CCND3: variants seen among roughly 807,000 people sequenced by gnomAD.
The protein encoded by CCND3 is cyclin D3.
A neutral mutation model predicts 28.7 loss-of-function variants in CCND3; 9 were observed. That is an observed-to-expected ratio of 0.31 (90% CI 0.19 to 0.55). The LOEUF is 0.55. CCND3 is among the 20% of genes least tolerant of loss of function. The probability of loss-of-function intolerance (pLI) is 0.93; values close to 1 mark genes in which losing one functional copy is unlikely to be tolerated. For synonymous variants in CCND3, 164 were observed against 163.9 expected, an observed-to-expected ratio of 1.00 and a Z score of 0.00; for missense variants, 315 against 385.8, an observed-to-expected ratio of 0.82 and a Z score of 1.54.
chr6:42,034,879 T>C (rs1025267510), intron 1 of CCND3, among the ~76,000 whole-genome samples: 2 of 152,214 alleles, frequency 1.3e-5, no homozygotes, highest in Non-Finnish European at 2.9e-5. Flanking sequence ...CCTTCCTAGA[T>C]GTTTTTTATA....
intron 1 of CCND3, among the ~76,000 whole-genome samples, chr6:41,999,918 C>A (rs1447189001): frequency 6.6e-6 from 1 of 151,940 alleles, no homozygotes; most frequent in African/African-American, 2.4e-5. Flanking sequence ...AATCCACCAT[C>A]GGAGTAGGAT....
chr6:42,031,018 T>TTTA (rs1270703942), intron 1 of CCND3, among the ~76,000 whole-genome samples: 7 of 152,042 alleles, frequency 4.6e-5, no homozygotes, highest in Non-Finnish European at 1.0e-4. Context: ...GGCACAGCTG[T>TTTA]TTATTCTGAT....
At chr6:41,979,103 G>A (rs547800267) in intron 1 of CCND3, among the ~76,000 whole-genome samples, 5 of 142,266 alleles carry the variant, frequency 3.5e-5, no homozygotes, top group South Asian at 2.2e-4. Flanking sequence ...CCCAGGAGTC[G>A]GAGGTTTCAG....
intron 1 of CCND3, among the ~76,000 whole-genome samples, chr6:41,990,363 C>T (rs1316486738): frequency 1.3e-5 from 2 of 151,936 alleles, no homozygotes; most frequent in South Asian, 2.1e-4. Context: ...TTAAAATGAT[C>T]GTATTACCAA....
chr6:42,040,062 A>G (rs1764324568), intron 1 of CCND3, among the ~76,000 whole-genome samples: 1 of 152,054 alleles, frequency 6.6e-6, no homozygotes, highest in Non-Finnish European at 1.5e-5. Flanking sequence ...GTGTAATCTC[A>G]CACTTGCCCT....
At chr6:42,037,131 A>T (rs147804102) in intron 1 of CCND3, among the ~76,000 whole-genome samples, 3,205 of 152,012 alleles carry the variant, frequency 0.021, 101 homozygotes, top group East Asian at 0.11. Context: ...CAGTAGAGAC[A>T]GGGTTTCACT....
At chr6:42,031,813 C>T (rs9381124) in intron 1 of CCND3, among the ~76,000 whole-genome samples, 70 of 128,892 alleles carry the variant, frequency 5.4e-4, no homozygotes, top group East Asian at 2.5e-3. Context: ...GCAACTGACT[C>T]TTTTTTTTTT....
chr6:42,024,623 G>A (rs937850554), intron 1 of CCND3, among the ~76,000 whole-genome samples: 2 of 152,050 alleles, frequency 1.3e-5, no homozygotes, highest in African/African-American at 4.8e-5. Flanking sequence ...GGGCCACTCA[G>A]AAGTCCAGGC....
At chr6:41,987,171 T>C (rs1430700831) in intron 1 of CCND3, among the ~76,000 whole-genome samples, 1 of 151,968 alleles carries the variant, frequency 6.6e-6, no homozygotes, top group African/African-American at 2.4e-5. Context: ...AAAAACATAT[T>C]GTCAATTACA....
chr6:41,980,035 C>CACACACACACACACACACACACAA (rs1337473570), intron 1 of CCND3, among the ~76,000 whole-genome samples: 4 of 151,814 alleles, frequency 2.6e-5, no homozygotes, highest in African/African-American at 9.7e-5. Flanking sequence ...CACACACACA[C>CACACACACACACACACACACACAA]AATCAAACCT....
chr6:41,936,164 A>G lies in CCND3; in HGVS notation c.712-57T>C, dbSNP rs2127389983. 6.6e-7 allele frequency: 1 copy of G among 1,514,786 alleles called. No homozygotes were observed. The highest frequency in any genetic ancestry group is 8.9e-7 in the Non-Finnish European group (1 of 1,129,462). The allele number at this position is 1,514,786 out of a possible 1,614,324, so 93.8% of individuals were successfully genotyped here. ...CACTCCCCCCATAGCATCTGGCAGC[A>G]GGTGCAGGGGAAGGACAGCTCCCAA... On this transcript the variant is annotated intron_variant, in intron 4 of 4. Transcript: ENST00000372991. This position sits in a 1 kb window ranked among gnomAD's most constrained non-coding sequence, Gnocchi z 4.4.
intron 1 of CCND3, among the ~76,000 whole-genome samples, chr6:41,948,509 CTTT>C (rs1286879662): frequency 6.6e-6 from 1 of 151,964 alleles, no homozygotes; most frequent in African/African-American, 2.4e-5. Flanking sequence ...CTCAATAAAT[CTTT>C]TTTGAGTTAA....
intron 1 of CCND3, among the ~76,000 whole-genome samples, chr6:41,964,467 TGTGTGTGA>T (rs1185028782): frequency 7.6e-5 from 10 of 131,966 alleles, no homozygotes; most frequent in Non-Finnish European, 1.2e-4. Context: ...TGTGTGAGTG[TGTGTGTGA>T]GTGTGTGTGA....
At chr6:42,033,389 G>A (rs1426928847) in intron 1 of CCND3, among the ~76,000 whole-genome samples, 1 of 151,640 alleles carries the variant, frequency 6.6e-6, no homozygotes, top group Non-Finnish European at 1.5e-5. Context: ...GGCAGAGGTT[G>A]CATTGAGCTG....
At chr6:41,986,148 T>G (rs140393254) in intron 1 of CCND3, among the ~76,000 whole-genome samples, 1 of 152,216 alleles carries the variant, frequency 6.6e-6, no homozygotes, top group Non-Finnish European at 1.5e-5. Flanking sequence ...TGTCTATTGT[T>G]ATGCCAGTAC....
intron 1 of CCND3, among the ~76,000 whole-genome samples, chr6:42,036,401 A>ATT (rs1358950642): frequency 0.057 from 1,949 of 33,960 alleles, 113 homozygotes; most frequent in Non-Finnish European, 0.072. Flanking sequence ...ATATATATAT[A>ATT]TATTTTTTTT....
At chr6:42,026,798 G>A (rs558153829) in intron 1 of CCND3, among the ~76,000 whole-genome samples, 115 of 152,256 alleles carry the variant, frequency 7.6e-4, no homozygotes, top group African/African-American at 2.6e-3. Flanking sequence ...TTTCTTTCTC[G>A]TCACTTTCCT....
At chr6:41,964,842 AG>A (rs201152734) in intron 1 of CCND3, among the ~76,000 whole-genome samples, 18,020 of 152,044 alleles carry the variant, frequency 0.12, 1,605 homozygotes, top group East Asian at 0.31. Context: ...GCAAGAACCT[AG>A]TGAGAAGTTC....
At chr6:42,045,889 C>T (rs555908872) in intron 1 of CCND3, among the ~76,000 whole-genome samples, 12 of 152,318 alleles carry the variant, frequency 7.9e-5, no homozygotes, top group African/African-American at 2.6e-4. Context: ...CAAGCCAGTG[C>T]CTGGGGCAGG....
Sources: gnomAD v4.1 joint callset for allele counts (sites outside exome capture counted in the v4.1 genomes callset) on GRCh38, gnomAD v4.1.1 for gene constraint, Gnocchi (gnomAD v3.1) non-coding constraint, MANE v1.5 for transcripts, NCBI Gene and HGNC (gene_info 2026-07-23, HGNC 2026-07-21) for gene names.